GLIS3: variants seen among roughly 807,000 people sequenced by gnomAD.
GLIS3 encodes zinc finger protein GLIS3.
A neutral mutation model predicts 78.6 loss-of-function variants in GLIS3; 53 were observed. The ratio of observed to expected loss-of-function variants is 0.67; its 90% CI spans 0.54 to 0.85. The LOEUF (loss-of-function observed/expected upper bound fraction) is 0.85, where lower values mean the gene tolerates loss of function less well. Among genes scored for constraint, GLIS3 ranks in the 40% least tolerant of loss-of-function variants. The pLI, the probability that GLIS3 is intolerant of heterozygous loss-of-function variation, is 0.00. For missense variants in GLIS3, 1,703 were observed against 1,231.1 expected (o/e 1.38, Z -5.74); for synonymous variants, 684 against 509.9 (o/e 1.34, Z -4.60).
At chr9:3,987,094 G>GA (rs1819802920) in intron 4 of GLIS3, among the ~76,000 whole-genome samples, 1 of 151,964 alleles carries the variant, frequency 6.6e-6, no homozygotes, top group African/African-American at 2.4e-5. Flanking sequence ...GAAACAAATG[G>GA]AAAAAATTAG....
At chr9:4,044,812 T>C (rs540269467) in intron 4 of GLIS3, among the ~76,000 whole-genome samples, 7 of 152,348 alleles carry the variant, frequency 4.6e-5, no homozygotes, top group African/African-American at 1.2e-4. Context: ...CACTTTCTTT[T>C]TATCTTTGGG....
At chr9:3,844,498 A>T (rs1451959574) in intron 9 of GLIS3, among the ~76,000 whole-genome samples, 2 of 152,194 alleles carry the variant, frequency 1.3e-5, no homozygotes, top group Admixed American at 1.3e-4. Flanking sequence ...TTCTAGAAAG[A>T]TGTCATTACT....
At chr9:4,309,359 G>A (rs766480638) in intron 3 of GLIS3, among the ~76,000 whole-genome samples, 3 of 152,168 alleles carry the variant, frequency 2.0e-5, no homozygotes, top group Non-Finnish European at 4.4e-5. Flanking sequence ...TAAAAAACAA[G>A]TCATTTAAAC....
At chr9:4,433,801 A>G in the GLIS3 span, among the ~76,000 whole-genome samples, 1 of 152,206 alleles carries the variant, frequency 6.6e-6, no homozygotes, top group Non-Finnish European at 1.5e-5. Flanking sequence ...TTGTTCTGAT[A>G]TTCAAGAGTG....
At chr9:4,433,822 C>T in the GLIS3 span, among the ~76,000 whole-genome samples, 1 of 152,162 alleles carries the variant, frequency 6.6e-6, no homozygotes, top group Admixed American at 6.5e-5. Flanking sequence ...GTTGGCGGGG[C>T]GCCGCTGCTC....
At chr9:4,462,211 A>C in the GLIS3 span, among the ~76,000 whole-genome samples, 1 of 152,198 alleles carries the variant, frequency 6.6e-6, no homozygotes, top group African/African-American at 2.4e-5. Flanking sequence ...CACACCTACA[A>C]GATCACTATT....
At chr9:4,027,838 T>C (rs1055619028) in intron 4 of GLIS3, among the ~76,000 whole-genome samples, 6 of 152,172 alleles carry the variant, frequency 3.9e-5, no homozygotes, top group Non-Finnish European at 5.9e-5. Context: ...GGAACCCTCG[T>C]AGGAGAGGTA....
intron 4 of GLIS3, among the ~76,000 whole-genome samples, chr9:3,982,691 G>A (rs1362632786): frequency 2.0e-5 from 3 of 152,190 alleles, no homozygotes; most frequent in Non-Finnish European, 4.4e-5. Context: ...GATACTACAT[G>A]TCTGCTCCCT....
the GLIS3 span, among the ~76,000 whole-genome samples, chr9:4,484,227 CT>C: frequency 3.4e-4 from 50 of 145,452 alleles, no homozygotes; most frequent in Admixed American, 1.0e-3. Context: ...GCCAAACTAA[CT>C]TTTTTTTTTT....
At chr9:4,399,209 G>A in the GLIS3 span, among the ~76,000 whole-genome samples, 4 of 152,158 alleles carry the variant, frequency 2.6e-5, no homozygotes, top group African/African-American at 7.2e-5. Flanking sequence ...TGATGGATAC[G>A]CTAACTACCC....
At chr9:4,441,320 A>C in the GLIS3 span, among the ~76,000 whole-genome samples, 2 of 152,304 alleles carry the variant, frequency 1.3e-5, no homozygotes, top group Non-Finnish European at 2.9e-5. Flanking sequence ...GTGTTGAGGC[A>C]CATTCCTTCT....
chr9:4,187,715 C>T (rs1363535067), intron 2 of GLIS3, among the ~76,000 whole-genome samples: 5 of 152,116 alleles, frequency 3.3e-5, no homozygotes, highest in African/African-American at 1.2e-4. Flanking sequence ...CTTTCACATC[C>T]CTTGTAAGTT....
chr9:4,157,439 T>C (rs1324908718), intron 2 of GLIS3, among the ~76,000 whole-genome samples: 1 of 152,138 alleles, frequency 6.6e-6, no homozygotes, highest in Non-Finnish European at 1.5e-5. Flanking sequence ...AATGTTCATC[T>C]CATGTTATTT....
At chr9:4,260,856 T>C (rs1189856497) in intron 2 of GLIS3, among the ~76,000 whole-genome samples, 1 of 152,218 alleles carries the variant, frequency 6.6e-6, no homozygotes, top group African/African-American at 2.4e-5. Flanking sequence ...TTTCTCTCCA[T>C]GTATTACTGC....
chr9:4,265,778 C>A (rs1825942893), intron 2 of GLIS3, among the ~76,000 whole-genome samples: 1 of 152,170 alleles, frequency 6.6e-6, no homozygotes, highest in Non-Finnish European at 1.5e-5. Flanking sequence ...TCATATTACC[C>A]ACAGTATGAG....
chr9:4,029,287 A>G (rs1188155187), intron 4 of GLIS3, among the ~76,000 whole-genome samples: 1 of 152,080 alleles, frequency 6.6e-6, no homozygotes, highest in Non-Finnish European at 1.5e-5. Context: ...TTTCCCCCCG[A>G]GACCAAAATG....
the GLIS3 span, among the ~76,000 whole-genome samples, chr9:4,484,618 T>A: frequency 1.3e-5 from 2 of 151,932 alleles, no homozygotes; most frequent in African/African-American, 4.8e-5. Flanking sequence ...GGTTTCACCA[T>A]GTTGGCCAGG....
intron 4 of GLIS3, among the ~76,000 whole-genome samples, chr9:4,007,129 G>T (rs565993847): frequency 6.6e-6 from 1 of 152,322 alleles, no homozygotes; most frequent in Non-Finnish European, 1.5e-5. Flanking sequence ...GAGAAGCCCA[G>T]GATACCCACT....
chr9:4,027,207 A>C (rs1393719620), intron 4 of GLIS3, among the ~76,000 whole-genome samples: 4 of 152,268 alleles, frequency 2.6e-5, no homozygotes, highest in African/African-American at 9.6e-5. Flanking sequence ...GTACACATTT[A>C]TTTAACTGAA....
Sources: gnomAD v4.1 joint callset for allele counts (sites outside exome capture counted in the v4.1 genomes callset) on GRCh38, gnomAD v4.1.1 for gene constraint, MANE v1.5 for transcripts, NCBI Gene and HGNC (gene_info 2026-07-23, HGNC 2026-07-21) for gene names.